Variants in CNTNAP2 observed in about 807,000 individuals in gnomAD.
CNTNAP2 encodes the protein contactin associated protein 2, also known as contactin-associated protein-like 2.
CNTNAP2 carries 98 observed loss-of-function variants against 155.2 expected under a neutral mutation model. That is an observed-to-expected ratio of 0.63 (90% CI 0.54 to 0.75). The LOEUF (loss-of-function observed/expected upper bound fraction) is 0.75. Among genes scored for constraint, CNTNAP2 ranks in the 30% least tolerant of loss-of-function variants. The pLI is 0.00. For synonymous variants in CNTNAP2, 651 were observed against 631.2 expected, an observed-to-expected ratio of 1.03 and a Z score of -0.47; for missense variants, 1,727 against 1,688.1, an observed-to-expected ratio of 1.02 and a Z score of -0.40.
intron 1 of CNTNAP2, among the ~76,000 whole-genome samples, chr7:146,167,763 A>G (rs1303009953): frequency 7.9e-5 from 12 of 152,190 alleles, no homozygotes; most frequent in Admixed American, 5.2e-4. Context: ...GTATAGATGT[A>G]TATATGAAGG....
intron 21 of CNTNAP2, among the ~76,000 whole-genome samples, chr7:148,365,769 T>C (rs759418508): frequency 0.022 from 1,908 of 84,802 alleles, 688 homozygotes; most frequent in Non-Finnish European, 0.033. Flanking sequence ...TGTATACGTG[T>C]ATACATGTAT....
At chr7:147,537,080 A>C (rs1799554929) in intron 11 of CNTNAP2, among the ~76,000 whole-genome samples, 1 of 152,202 alleles carries the variant, frequency 6.6e-6, no homozygotes, top group African/African-American at 2.4e-5. Context: ...TCCTTTGTCT[A>C]ATCTTTCACA....
chr7:147,035,870 A>G (rs1799143894), intron 3 of CNTNAP2, among the ~76,000 whole-genome samples: 1 of 115,760 alleles, frequency 8.6e-6, no homozygotes, highest in Admixed American at 7.5e-5. Flanking sequence ...AATTTGAGAA[A>G]AAAAAAATGT....
chr7:147,964,075 G>A lies in CNTNAP2; in HGVS notation c.2256-13787G>A, dbSNP rs577518763. Among the ~76,000 whole-genome samples the A allele has an allele frequency of 4.6e-5, 7 of 152,180 alleles. No individual in the cohort carries two copies. In the South Asian group the frequency reaches 1.2e-3, roughly 27 times the overall value. On this transcript the variant is annotated intron_variant, in intron 14 of 23. Coordinates refer to ENST00000361727, the MANE Select transcript of CNTNAP2 (RefSeq NM_014141.6). ...GGTAAAATGAGGCCACAAGAATGGG[G>A]CCTTAATGCGATGGGGGTGGTGCCC...
intron 21 of CNTNAP2, among the ~76,000 whole-genome samples, chr7:148,332,788 C>T (rs577594651): frequency 3.7e-4 from 57 of 152,214 alleles, no homozygotes; most frequent in African/African-American, 1.3e-3. Flanking sequence ...CTTTTTTGAA[C>T]GATGCTTCAG....
At chr7:147,566,016 C>T (rs573201583) in intron 12 of CNTNAP2, among the ~76,000 whole-genome samples, 4 of 151,396 alleles carry the variant, frequency 2.6e-5, no homozygotes, top group Admixed American at 2.0e-4. Flanking sequence ...CACGATGACT[C>T]ACGCCTGTAA....
chr7:148,361,374 C>A (rs1465729358), intron 21 of CNTNAP2, among the ~76,000 whole-genome samples: 1 of 152,162 alleles, frequency 6.6e-6, no homozygotes, highest in African/African-American at 2.4e-5. Flanking sequence ...GCTGTCATAA[C>A]AAAGTACCAC....
chr7:147,634,578 C>A (rs983633118), intron 12 of CNTNAP2, among the ~76,000 whole-genome samples: 1 of 151,830 alleles, frequency 6.6e-6, no homozygotes, highest in African/African-American at 2.4e-5. Flanking sequence ...ACCACCTGTA[C>A]CCCCCAAAAT....
intron 3 of CNTNAP2, among the ~76,000 whole-genome samples, chr7:146,869,467 T>C (rs1795265734): frequency 6.6e-6 from 1 of 152,172 alleles, no homozygotes; most frequent in African/African-American, 2.4e-5. Flanking sequence ...ATAGGATGTA[T>C]GTATATTTGA....
At chr7:147,712,546 C>G (rs1260329837) in intron 13 of CNTNAP2, among the ~76,000 whole-genome samples, 1 of 152,186 alleles carries the variant, frequency 6.6e-6, no homozygotes, top group Non-Finnish European at 1.5e-5. Context: ...CACATATACA[C>G]CGTGGAATAC....
chr7:147,229,797 T>C (rs1323164212), intron 8 of CNTNAP2, among the ~76,000 whole-genome samples: 1 of 152,200 alleles, frequency 6.6e-6, no homozygotes, highest in Non-Finnish European at 1.5e-5. Context: ...ATATTATAAC[T>C]GAAATTGCAA....
rs142977695 is a variant in CNTNAP2 at position 146,684,848 on chromosome 7, T to C, written c.98-89423T>C. The stretch of plus-strand genomic sequence containing the variant: ...GTGCTATTCATACTGTTTTCATGAA[T>C]GGTGCTCCGTGACCTTGATAACATA... On this transcript the variant is annotated intron_variant, in intron 1 of 23. Coordinates refer to ENST00000361727, the MANE Select transcript of CNTNAP2 (RefSeq NM_014141.6). Among the ~76,000 whole-genome samples the C allele has an allele frequency of 2.1e-3, 315 of 152,238 alleles. 1 individual carries two copies. The highest frequency in any genetic ancestry group is 0.01 in the Middle Eastern group (3 of 294).
At chr7:148,230,962 ACAT>A (rs1795950396) in intron 20 of CNTNAP2, among the ~76,000 whole-genome samples, 1 of 152,194 alleles carries the variant, frequency 6.6e-6, no homozygotes, top group Non-Finnish European at 1.5e-5. Flanking sequence ...AGATCGTTTT[ACAT>A]CATTTCATCA....
intron 15 of CNTNAP2, among the ~76,000 whole-genome samples, chr7:148,060,778 G>A (rs779631003): frequency 7.9e-5 from 12 of 152,112 alleles, no homozygotes; most frequent in Non-Finnish European, 1.5e-4. Flanking sequence ...GATCCTCAGC[G>A]CTGTTGGTTG....
intron 1 of CNTNAP2, among the ~76,000 whole-genome samples, chr7:146,654,968 C>A (rs1799971737): frequency 1.3e-5 from 2 of 151,902 alleles, no homozygotes; most frequent in South Asian, 2.1e-4. Flanking sequence ...AAAAATAAAT[C>A]CCTTTTACCT....
intron 15 of CNTNAP2, among the ~76,000 whole-genome samples, chr7:148,057,065 C>T (rs1186512591): frequency 6.6e-6 from 1 of 152,158 alleles, no homozygotes; most frequent in Non-Finnish European, 1.5e-5. Flanking sequence ...CATCTGTGCC[C>T]ACCCTCTTAT....
chr7:147,389,087 C>T (rs1023753942), intron 9 of CNTNAP2, among the ~76,000 whole-genome samples: 8 of 152,138 alleles, frequency 5.3e-5, no homozygotes. Context: ...CCTGCTGGGA[C>T]CCTAGTTTTT....
intron 3 of CNTNAP2, among the ~76,000 whole-genome samples, chr7:146,903,045 G>C (rs1032233540): frequency 6.6e-6 from 1 of 152,184 alleles, no homozygotes; most frequent in African/African-American, 2.4e-5. Context: ...CCGATATTGG[G>C]AGCAAGAGTT....
At chr7:147,384,922 A>T (rs1256669879) in intron 9 of CNTNAP2, among the ~76,000 whole-genome samples, 2 of 152,226 alleles carry the variant, frequency 1.3e-5, no homozygotes. Context: ...TGATAAAGAC[A>T]TATTCATGAC....
Sources: allele counts gnomAD v4.1 joint callset (sites outside exome capture counted in the v4.1 genomes callset), GRCh38; gene constraint gnomAD v4.1.1; transcripts MANE v1.5; gene names NCBI Gene and HGNC (gene_info 2026-07-23, HGNC 2026-07-21).